MTUS2: variants seen among roughly 807,000 people sequenced by gnomAD.
MTUS2 encodes microtubule-associated tumor suppressor candidate 2.
A neutral mutation model predicts 114.1 loss-of-function variants in MTUS2; 40 were observed. The ratio of observed to expected loss-of-function variants is 0.35; its 90% CI spans 0.27 to 0.46. MTUS2 has a LOEUF of 0.46. Among genes scored for constraint, MTUS2 ranks in the 20% least tolerant of loss-of-function variants. The pLI, the probability that MTUS2 is intolerant of heterozygous loss-of-function variation, is 1.00. For missense variants in MTUS2, 1,679 were observed against 1,705.4 expected (o/e 0.98, Z 0.27); for synonymous variants, 688 against 672.0 (o/e 1.02, Z -0.37).
At chr13:29,307,692 C>T in intron 6 of MTUS2, 1 of 1,136,430 alleles carries the variant, frequency 8.8e-7, no homozygotes, top group Non-Finnish European at 1.3e-6. Context: ...CCCTCAACGA[C>T]CACTTTTTCA....
chr13:29,184,118 A>G (rs1427898781), intron 5 of MTUS2, among the ~76,000 whole-genome samples: 2 of 152,226 alleles, frequency 1.3e-5, no homozygotes, highest in Non-Finnish European at 2.9e-5. Context: ...TATTGTGCAT[A>G]TCATTATCTA....
At chr13:29,447,660 T>G (rs1878385718) in intron 9 of MTUS2, among the ~76,000 whole-genome samples, 1 of 147,368 alleles carries the variant, frequency 6.8e-6, no homozygotes, top group East Asian at 2.1e-4. Flanking sequence ...CATCCTCAAC[T>G]CACCCTCCAT....
intron 5 of MTUS2, among the ~76,000 whole-genome samples, chr13:29,251,341 G>A (rs758052456): frequency 1.7e-4 from 26 of 150,042 alleles, no homozygotes; most frequent in Non-Finnish European, 2.9e-4. Flanking sequence ...TCTGGCATGG[G>A]CATGAGGTTT....
chr13:29,087,686 A>G (rs906117185), intron 4 of MTUS2, among the ~76,000 whole-genome samples: 9 of 152,186 alleles, frequency 5.9e-5, no homozygotes, highest in Non-Finnish European at 8.8e-5. Flanking sequence ...TGAGTTAGGA[A>G]GGAGTCCTTC....
chr13:29,141,617 A>C (rs999145948), intron 5 of MTUS2, among the ~76,000 whole-genome samples: 6 of 152,188 alleles, frequency 3.9e-5, no homozygotes, highest in Non-Finnish European at 8.8e-5. Flanking sequence ...ATACATACTT[A>C]ATAAGGATAA....
rs188565962 is a variant in MTUS2, at chr13:29,440,363, G to C, written c.3184+314G>C. Among the ~76,000 whole-genome samples, 8 of 152,246 alleles carry C rather than the reference G, an allele frequency of 5.3e-5. No individual in the cohort carries two copies. The East Asian group carries it at 1.4e-3, about 26-fold the overall frequency. ...ATCTGGGTCCCCTCTTATAAAACGAGGTGCTGTCTGCAAGATGCAGATGTT... is the reference window on the plus strand; with the variant it reads ...ATCTGGGTCCCCTCTTATAAAACGACGTGCTGTCTGCAAGATGCAGATGTT... On this transcript the variant is annotated intron_variant, in intron 9 of 15. Coordinates refer to ENST00000612955, the MANE Select transcript of MTUS2 (RefSeq NM_001033602.4).
intron 8 of MTUS2, among the ~76,000 whole-genome samples, chr13:29,369,444 T>A (rs1871025993): frequency 6.6e-6 from 1 of 152,176 alleles, no homozygotes; most frequent in African/African-American, 2.4e-5. Flanking sequence ...AAGTGTCAAC[T>A]ACAGTCCTGC....
At chr13:29,171,866 G>A (rs1163356513) in intron 5 of MTUS2, among the ~76,000 whole-genome samples, 1 of 152,184 alleles carries the variant, frequency 6.6e-6, no homozygotes, top group Non-Finnish European at 1.5e-5. Context: ...AGCCAAAGAA[G>A]AGCTAGTTCC....
intron 9 of MTUS2, among the ~76,000 whole-genome samples, chr13:29,448,618 G>A (rs993949111): frequency 5.3e-5 from 8 of 151,864 alleles, no homozygotes; most frequent in South Asian, 2.1e-4. Flanking sequence ...CTCTGTTCTC[G>A]GTGTCCCCAC....
chr13:29,226,338 AT>A (rs1183577241), intron 5 of MTUS2, among the ~76,000 whole-genome samples: 13 of 152,210 alleles, frequency 8.5e-5, no homozygotes, highest in Admixed American at 3.3e-4. Context: ...GGCTTTTCAT[AT>A]TCTCATTTAT....
rs147631353 is a variant in MTUS2 at position 29,281,913 on chromosome 13, G to A, written c.2806+48G>A. ...GGCTCCATGGTGGAGTGCCCTTTCT[G>A]CATTAATAAAAAGTCTTTTGAAAGC... On this transcript the variant is annotated intron_variant, in intron 6 of 15. Coordinates refer to ENST00000612955, the MANE Select transcript of MTUS2 (RefSeq NM_001033602.4). 2.1e-3 allele frequency: 3,108 copies of A among 1,513,600 alleles called. 133 individuals carry two copies. In the Admixed American group the frequency reaches 0.063, roughly 30 times the overall value. 93.8% of individuals were successfully genotyped at this position (1,513,600 alleles called of 1,614,324 possible). A position where few individuals can be genotyped will look rare whatever the true frequency, so the allele number is the denominator to read the frequency against.
Position 29,024,607 on chromosome 13 carries a change from G to A in MTUS2, c.-92G>A. 6.8e-7 allele frequency: 1 copy of A among 1,473,708 alleles called. No individual in the cohort carries two copies. Among genetic ancestry groups the A allele is most frequent in the South Asian group, 1.3e-5 (1 of 75,614 alleles). The allele number at this position is 1,473,708 out of a possible 1,614,324, so 91.3% of individuals were successfully genotyped here. On this transcript the variant is annotated 5_prime_UTR_variant, in exon 3 of 16. The change abolishes the stop of an existing upstream ORF in the 5' untranslated region. Transcript: ENST00000612955. The stretch of plus-strand genomic sequence containing the variant: ...ATTGTCAGGGGAGAACAAGCAGCTT[G>A]AGAATTTCCTCTTAATCTGATTGCA...
chr13:29,267,583 T>G (rs1355381658), intron 5 of MTUS2, among the ~76,000 whole-genome samples: 2 of 152,150 alleles, frequency 1.3e-5, no homozygotes, highest in Non-Finnish European at 2.9e-5. Context: ...AGTAAACATG[T>G]AGAGTTTGAA....
intron 5 of MTUS2, among the ~76,000 whole-genome samples, chr13:29,266,300 A>C (rs1016371309): frequency 1.3e-5 from 2 of 152,220 alleles, no homozygotes; most frequent in Non-Finnish European, 2.9e-5. Flanking sequence ...GGATTAAGCA[A>C]CTTGTCCAAA....
At chr13:29,141,952 C>T (rs1015471968) in intron 5 of MTUS2, among the ~76,000 whole-genome samples, 2 of 150,282 alleles carry the variant, frequency 1.3e-5, no homozygotes, top group African/African-American at 4.9e-5. Context: ...CTCCACCTCC[C>T]AGGTTCACAC....
chr13:29,337,457 C>T (rs1410832953), intron 7 of MTUS2, among the ~76,000 whole-genome samples: 1 of 152,170 alleles, frequency 6.6e-6, no homozygotes, highest in Non-Finnish European at 1.5e-5. Context: ...TGCTTTGTCT[C>T]ACCCTCCATG....
intron 2 of MTUS2, among the ~76,000 whole-genome samples, chr13:28,979,664 A>G (rs1021067406): frequency 2.0e-5 from 3 of 152,172 alleles, no homozygotes; most frequent in Non-Finnish European, 4.4e-5. Context: ...AGTCAGTTCC[A>G]TGAGGTCTGA....
At chr13:28,888,418 T>C (rs963166119) in intron 2 of MTUS2, among the ~76,000 whole-genome samples, 2 of 73,822 alleles carry the variant, frequency 2.7e-5, no homozygotes, top group Non-Finnish European at 6.5e-5. Context: ...CCTCTTGGCA[T>C]CTTTTTTTTT....
intron 9 of MTUS2, among the ~76,000 whole-genome samples, chr13:29,477,772 A>G (rs1880812023): frequency 1.3e-5 from 2 of 152,096 alleles, no homozygotes; most frequent in South Asian, 4.1e-4. Context: ...AGATGTGACA[A>G]TTATATATAT....
Sources: allele counts gnomAD v4.1 joint callset (sites outside exome capture counted in the v4.1 genomes callset), GRCh38; gene constraint gnomAD v4.1.1; transcripts MANE v1.5; gene names NCBI Gene and HGNC (gene_info 2026-07-23, HGNC 2026-07-21).